The following C1D variants were observed in gnomAD, a reference collection of about 807,000 sequenced individuals.
C1D encodes the protein C1D nuclear receptor corepressor.
A neutral mutation model predicts 17.5 loss-of-function variants in C1D; 10 were observed. The observed-to-expected ratio is 0.57, with a 90% confidence interval of 0.35 to 0.97. C1D has a LOEUF of 0.97. C1D is among the 50% of genes least tolerant of loss of function. The probability of loss-of-function intolerance (pLI) is 0.01; values close to 1 mark genes in which losing one functional copy is unlikely to be tolerated. For synonymous variants in C1D, 49 were observed against 54.0 expected (o/e 0.91, Z 0.40); for missense variants, 136 against 160.1 (o/e 0.85, Z 0.81).
rs544017399 is a variant in C1D at position 68,053,192 on chromosome 2, A to G, written c.-9-5873T>C. 1.0e-4 allele frequency: 159 copies of G among 1,550,084 alleles called. 1 individual carries two copies. In the East Asian group the frequency reaches 3.7e-3, roughly 36 times the overall value. On this transcript the variant is annotated intron_variant, in intron 1 of 4. Coordinates refer to ENST00000410067, the MANE Select transcript of C1D (RefSeq NM_173177.3). ...ATGAGAAAACTTGCTTCTCTTCACCACTCAGTAAGGTGTGGCTGAGACTGA... is the reference window on the plus strand; with the variant it reads ...ATGAGAAAACTTGCTTCTCTTCACCGCTCAGTAAGGTGTGGCTGAGACTGA...
At chr2:68,048,475 C>T (rs562003517) in intron 1 of C1D, among the ~76,000 whole-genome samples, 2 of 152,248 alleles carry the variant, frequency 1.3e-5, no homozygotes, top group South Asian at 4.1e-4. Context: ...TAAAATAAGG[C>T]AGCTGGTCTA....
intron 1 of C1D, among the ~76,000 whole-genome samples, chr2:68,048,306 C>T (rs1671190655): frequency 6.6e-6 from 1 of 152,074 alleles, no homozygotes; most frequent in Non-Finnish European, 1.5e-5. Context: ...ACAGAAATAC[C>T]TCCTTTATCA....
intron 4 of C1D, among the ~76,000 whole-genome samples, chr2:68,045,252 T>C (rs1489283101): frequency 6.6e-6 from 1 of 152,232 alleles, no homozygotes; most frequent in Admixed American, 6.5e-5. Flanking sequence ...GTGTATTTCA[T>C]ATCTATATTT....
chr2:68,042,834 G>T lies in C1D; in HGVS notation c.*55C>A, dbSNP rs1280870131. On this transcript the variant is annotated 3_prime_UTR_variant, in exon 5 of 5. Coordinates refer to ENST00000410067, the MANE Select transcript of C1D (RefSeq NM_173177.3). The stretch of plus-strand genomic sequence containing the variant: ...CTGCCACAGAATTATTTTGCGGGGG[G>T]GGGGGGGGGGGGGAAGATGTACTTT... The T allele has an allele frequency of 9.1e-4, 57 of 62,490 alleles. No individual in the cohort carries two copies. The highest frequency in any genetic ancestry group is 8.1e-3 in the African/African-American group (35 of 4,308). 3.9% of individuals were successfully genotyped at this position (62,490 alleles called of 1,614,324 possible).
At chr2:68,060,076 G>A (rs756824316) in intron 1 of C1D, among the ~76,000 whole-genome samples, 2 of 152,174 alleles carry the variant, frequency 1.3e-5, no homozygotes, top group East Asian at 1.9e-4. Flanking sequence ...CTCAGTTAAT[G>A]GCAATTCCCT....
At chr2:68,048,618 C>T (rs1671199293) in intron 1 of C1D, among the ~76,000 whole-genome samples, 2 of 152,112 alleles carry the variant, frequency 1.3e-5, no homozygotes, top group South Asian at 4.2e-4. Flanking sequence ...CATTTGGTTT[C>T]ATTAAAAAAA....
intron 1 of C1D, among the ~76,000 whole-genome samples, chr2:68,062,327 A>C (rs1671657586): frequency 6.6e-6 from 1 of 152,244 alleles, no homozygotes; most frequent in South Asian, 2.1e-4. Context: ...GCCAAAACTG[A>C]ACTGTAGTCA....
At chr2:68,049,412 A>C (rs1180439887) in intron 1 of C1D, among the ~76,000 whole-genome samples, 1 of 152,222 alleles carries the variant, frequency 6.6e-6, no homozygotes, top group African/African-American at 2.4e-5. Context: ...ACTGCAAAGA[A>C]GACTTGGTTA....
At chr2:68,047,632 A>G (rs1671167908) in intron 1 of C1D, among the ~76,000 whole-genome samples, 1 of 151,972 alleles carries the variant, frequency 6.6e-6, no homozygotes, top group Admixed American at 6.6e-5. Context: ...TGCAATCACC[A>G]CTCACTGCAA....
rs907667859 is a variant in C1D at position 68,049,646 on chromosome 2, G to A, written c.-9-2327C>T. On this transcript the variant is annotated intron_variant, in intron 1 of 4. Transcript: ENST00000410067. ...ATTTCTTTCAAACCTTCAAGAAACA[G>A]TTAACTCCTATGGTATTTAGCTGTT... 2.0e-5 allele frequency among the ~76,000 whole-genome samples: 3 copies of A among 152,156 alleles called. No homozygotes were observed. The East Asian group carries it at 5.8e-4, about 29-fold the overall frequency.
At chr2:68,050,778 A>C (rs1208172617) in intron 1 of C1D, among the ~76,000 whole-genome samples, 4 of 152,168 alleles carry the variant, frequency 2.6e-5, no homozygotes, top group African/African-American at 9.7e-5. Context: ...CTCTCCATTG[A>C]ACTTCATATT....
rs200836844 is a variant in C1D at position 68,042,828 on chromosome 2, CGGGGGGGG to C, written c.*53_*60del. Reference sequence around the variant, plus strand: ...CTTGCCCTGCCACAGAATTATTTTGCGGGGGGGGGGGGGGGGGGGAAGATGTACTTTTT... The same window carrying C: ...CTTGCCCTGCCACAGAATTATTTTGCGGGGGGGGGGGAAGATGTACTTTTT... On this transcript the variant is annotated 3_prime_UTR_variant, in exon 5 of 5. Transcript: ENST00000410067. 12,527 of 204,612 alleles carry C rather than the reference CGGGGGGGG, an allele frequency of 0.061. 2,160 individuals carry two copies. The highest frequency in any genetic ancestry group is 0.44 in the African/African-American group (8,006 of 18,236). The allele number at this position is 204,612 out of a possible 1,614,324, so 12.7% of individuals were successfully genotyped here. A position where few individuals can be genotyped will look rare whatever the true frequency, so the allele number is the denominator to read the frequency against.
chr2:68,047,045 C>T (rs1252965413), intron 2 of C1D, 128 bp downstream of exon 2: 1 of 776,020 alleles, frequency 1.3e-6, no homozygotes, highest in African/African-American at 1.8e-5. Flanking sequence ...AATACCCAAA[C>T]ACTAATAAAA....
At chr2:68,058,099 A>G (rs1671491249) in intron 1 of C1D, among the ~76,000 whole-genome samples, 1 of 152,212 alleles carries the variant, frequency 6.6e-6, no homozygotes, top group Admixed American at 6.5e-5. Flanking sequence ...CAGTTCCTTT[A>G]TTTATCCCTG....
At chr2:68,051,417 G>C (rs1671278910) in intron 1 of C1D, among the ~76,000 whole-genome samples, 1 of 152,076 alleles carries the variant, frequency 6.6e-6, no homozygotes, top group Non-Finnish European at 1.5e-5. Flanking sequence ...AAGCACTCTG[G>C]GAGGTCAAGA....
Position 68,045,973 on chromosome 2 carries a change from A to G in C1D, c.261+15T>C. 6.5e-7 allele frequency: 1 copy of G among 1,548,198 alleles called. No homozygotes were observed. Among genetic ancestry groups the G allele is most frequent in the Non-Finnish European group, 8.8e-7 (1 of 1,134,102 alleles). ...AACAACAAACACATAAAATAAAAAGAAATTAAAATCTTACCAATTCCTGTT... is the reference window on the plus strand; with the variant it reads ...AACAACAAACACATAAAATAAAAAGGAATTAAAATCTTACCAATTCCTGTT... On this transcript the variant is annotated intron_variant, in intron 4 of 4. Coordinates refer to ENST00000410067, the MANE Select transcript of C1D (RefSeq NM_173177.3).
Position 68,042,398 on chromosome 2 carries a change from A to C in C1D, c.*491T>G, listed in dbSNP as rs548396871. 1 of 152,834 alleles carries C rather than the reference A, an allele frequency of 6.5e-6. No homozygotes were observed. The highest frequency in any genetic ancestry group is 2.1e-4 in the South Asian group (1 of 4,834). The allele number at this position is 152,834 out of a possible 1,614,324, so 9.5% of individuals were successfully genotyped here. A position where few individuals can be genotyped will look rare whatever the true frequency, so the allele number is the denominator to read the frequency against. The stretch of plus-strand genomic sequence containing the variant: ...ACACTTTGAATATCAACAAAGCAGT[A>C]ATTCCTAAAATCATGAAAACATGAT... On this transcript the variant is annotated 3_prime_UTR_variant, in exon 5 of 5. Transcript: ENST00000410067.
At chr2:68,058,765 C>T (rs544225925) in intron 1 of C1D, among the ~76,000 whole-genome samples, 2 of 152,320 alleles carry the variant, frequency 1.3e-5, no homozygotes, top group South Asian at 4.1e-4. Context: ...TCCCCAACAT[C>T]ACACTCAACT....
chr2:68,046,433 GGAAA>G lies in C1D; in HGVS notation c.139-27_139-24del, dbSNP rs745834140. ...CAACTGTTAAAAAAGAAAGAGAGAGGGAAAGAGAGAAAGTGAGACAGAAAAAAAA... is the reference window on the plus strand; with the variant it reads ...CAACTGTTAAAAAAGAAAGAGAGAGGGAGAGAAAGTGAGACAGAAAAAAAA... On this transcript the variant is annotated intron_variant, in intron 2 of 4. Transcript: ENST00000410067. The G allele has an allele frequency of 2.4e-5, 37 of 1,560,730 alleles. No homozygotes were observed. The African/African-American group carries it at 2.6e-4, about 11-fold the overall frequency.
Sources: gnomAD v4.1 joint callset for allele counts (sites outside exome capture counted in the v4.1 genomes callset) on GRCh38, gnomAD v4.1.1 for gene constraint, MANE v1.5 for transcripts, NCBI Gene and HGNC (gene_info 2026-07-23, HGNC 2026-07-21) for gene names.